Variants in LRP1B observed in about 807,000 individuals in gnomAD.
LRP1B encodes LDL receptor related protein 1B.
In LRP1B, 217 loss-of-function variants were observed where a neutral mutation model predicts 556.6. The ratio of observed to expected loss-of-function variants is 0.39; its 90% CI spans 0.35 to 0.44. The LOEUF (loss-of-function observed/expected upper bound fraction) is 0.44, where lower values mean the gene tolerates loss of function less well. Ranked by LOEUF, LRP1B falls within the 20% of genes least tolerant of loss-of-function variation. The pLI is 1.00. For missense variants in LRP1B, 5,053 were observed against 5,620.8 expected (o/e 0.90, Z 3.23); for synonymous variants, 2,047 against 1,865.8 (o/e 1.10, Z -2.50).
At chr2:140,399,201 A>G (rs1388531634) in intron 66 of LRP1B, among the ~76,000 whole-genome samples, 3 of 150,460 alleles carry the variant, frequency 2.0e-5, no homozygotes, top group Non-Finnish European at 4.4e-5. Flanking sequence ...CACTTATTCA[A>G]TGTGCCCTTA....
intron 2 of LRP1B, among the ~76,000 whole-genome samples, chr2:141,558,954 A>C (rs978034167): frequency 6.6e-6 from 1 of 151,614 alleles, no homozygotes. Flanking sequence ...TACAGACCAG[A>C]GTATCTTTTT....
At chr2:140,773,816 C>T (rs1689400054) in intron 33 of LRP1B, among the ~76,000 whole-genome samples, 1 of 151,572 alleles carries the variant, frequency 6.6e-6, no homozygotes, top group Admixed American at 6.6e-5. Flanking sequence ...GGTTCTTTTT[C>T]TGTTAAATAT....
chr2:140,546,000 T>TTGTGTGTGTGTGTGTG (rs148045904), intron 43 of LRP1B, among the ~76,000 whole-genome samples: 1,762 of 142,652 alleles, frequency 0.012, 18 homozygotes, highest in East Asian at 0.051. Context: ...TATTATTAGG[T>TTGTGTGTGTGTGTGTG]TGTGTGTGTG....
chr2:140,671,132 A>T (rs1341373374), intron 41 of LRP1B, among the ~76,000 whole-genome samples: 3 of 152,220 alleles, frequency 2.0e-5, no homozygotes, highest in Non-Finnish European at 4.4e-5. Flanking sequence ...ATTATTTTAC[A>T]ATTATAAAGG....
intron 7 of LRP1B, among the ~76,000 whole-genome samples, chr2:141,144,159 A>G (rs563296312): frequency 6.6e-6 from 1 of 152,200 alleles, no homozygotes; most frequent in Admixed American, 6.5e-5. Context: ...ATGAAGGAGA[A>G]AAGAAAGAAA....
chr2:141,041,433 CA>C (rs1344594808), intron 11 of LRP1B, among the ~76,000 whole-genome samples: 1 of 152,064 alleles, frequency 6.6e-6, no homozygotes, highest in Non-Finnish European at 1.5e-5. Flanking sequence ...TTGCCTTTTC[CA>C]GCTTCTGGAA....
chr2:141,070,505 A>G (rs1699608448), intron 7 of LRP1B, among the ~76,000 whole-genome samples: 1 of 152,116 alleles, frequency 6.6e-6, no homozygotes, highest in Admixed American at 6.6e-5. Flanking sequence ...AACTAAAATC[A>G]GAACAGAACT....
At chr2:141,613,451 CTTGT>C (rs1368074564) in intron 2 of LRP1B, among the ~76,000 whole-genome samples, 3 of 152,152 alleles carry the variant, frequency 2.0e-5, no homozygotes, top group Non-Finnish European at 4.4e-5. Flanking sequence ...ATTTTTATTG[CTTGT>C]TTATTAAATT....
intron 29 of LRP1B, 77 bp from the exon 30 acceptor site, chr2:140,841,169 A>G (rs146199314): frequency 2.2e-6 from 2 of 901,356 alleles, no homozygotes; most frequent in Admixed American, 2.7e-5. Context: ...GTTATTTTCT[A>G]TCTAAGGGAA....
At chr2:140,264,688 A>T (rs1682109023) in intron 86 of LRP1B, among the ~76,000 whole-genome samples, 1 of 147,120 alleles carries the variant, frequency 6.8e-6, no homozygotes, top group Admixed American at 6.9e-5. Flanking sequence ...GACAAAAAAA[A>T]AAATTGTCTA....
At chr2:140,844,869 T>C (rs1692227567) in intron 29 of LRP1B, among the ~76,000 whole-genome samples, 1 of 152,030 alleles carries the variant, frequency 6.6e-6, no homozygotes, top group Admixed American at 6.6e-5. Flanking sequence ...GAAAACAAAA[T>C]GGGATTATAG....
chr2:141,176,109 T>C (rs1574156120), intron 7 of LRP1B, among the ~76,000 whole-genome samples: 1 of 152,108 alleles, frequency 6.6e-6, no homozygotes, highest in South Asian at 2.1e-4. Context: ...TTTTATTTTA[T>C]AGGCTTATAA....
At chr2:140,456,631 C>T (rs768788511) in intron 61 of LRP1B, 28 bp from the exon 62 acceptor site, 9 of 1,591,340 alleles carry the variant, frequency 5.7e-6, no homozygotes, top group Non-Finnish European at 7.7e-6. Flanking sequence ...ACAACAACAA[C>T]AAAACAGGAT....
chr2:141,455,682 G>A (rs190036679), intron 3 of LRP1B, among the ~76,000 whole-genome samples: 16 of 152,194 alleles, frequency 1.1e-4, no homozygotes, highest in African/African-American at 3.9e-4. Context: ...AAAGATGTAC[G>A]TTTTGTGGAA....
intron 41 of LRP1B, among the ~76,000 whole-genome samples, chr2:140,666,253 A>C (rs1336332002): frequency 6.6e-6 from 1 of 151,862 alleles, no homozygotes; most frequent in East Asian, 1.9e-4. Flanking sequence ...TTAGATTCCC[A>C]AAGTGCTGGG....
At chr2:140,908,988 G>A (rs190180638) in intron 21 of LRP1B, among the ~76,000 whole-genome samples, 29 of 152,074 alleles carry the variant, frequency 1.9e-4, no homozygotes, top group African/African-American at 7.0e-4. Flanking sequence ...TAGTAGAGAT[G>A]GGGTTTCACC....
At position 140,680,570 on chromosome 2, in the gene LRP1B, T is replaced by C. The variant is rs1685827589; in HGVS notation, c.6799+19680A>G. On this transcript the variant is annotated intron_variant, in intron 41 of 90. Coordinates refer to ENST00000389484, the MANE Select transcript of LRP1B (RefSeq NM_018557.3). Reference sequence around the variant, plus strand: ...AGGCACTGTGGTAAGCATAGCATTGTCATTCTTTTCATTAATCCTCATTAA... The same window carrying C: ...AGGCACTGTGGTAAGCATAGCATTGCCATTCTTTTCATTAATCCTCATTAA... 2.0e-5 allele frequency among the ~76,000 whole-genome samples: 3 copies of C among 152,358 alleles called. No homozygotes were observed. The South Asian group carries it at 6.2e-4, about 32-fold the overall frequency.
At chr2:140,538,157 A>G (rs1429986608) in intron 45 of LRP1B, among the ~76,000 whole-genome samples, 1 of 152,108 alleles carries the variant, frequency 6.6e-6, no homozygotes, top group East Asian at 1.9e-4. Flanking sequence ...GGTTTTATTT[A>G]TTTATTATTC....
chr2:140,462,590 A>G (rs373706940), intron 60 of LRP1B, among the ~76,000 whole-genome samples: 1 of 152,208 alleles, frequency 6.6e-6, no homozygotes. Context: ...TCTGTCTGCT[A>G]TCTAATGTCC....
Sources: gnomAD v4.1 joint callset for allele counts (sites outside exome capture counted in the v4.1 genomes callset) on GRCh38, gnomAD v4.1.1 for gene constraint, MANE v1.5 for transcripts, NCBI Gene and HGNC (gene_info 2026-07-23, HGNC 2026-07-21) for gene names.